The following FAM186A variants were observed in gnomAD, a reference collection of about 807,000 sequenced individuals.
FAM186A encodes the protein family with sequence similarity 186 member A, also known as protein FAM186A.
FAM186A carries 163 observed loss-of-function variants against 216.8 expected under a neutral mutation model. The observed-to-expected ratio is 0.75, with a 90% CI of 0.66 to 0.86. FAM186A has a LOEUF of 0.86. Among genes scored for constraint, FAM186A ranks in the 40% least tolerant of loss-of-function variants. The pLI, the probability that FAM186A is intolerant of heterozygous loss-of-function variation, is 0.00. For missense variants in FAM186A, 2,184 were observed against 2,746.2 expected, an observed-to-expected ratio of 0.80 and a Z score of 4.58; for synonymous variants, 805 against 1,025.3, an observed-to-expected ratio of 0.79 and a Z score of 4.10.
At chr12:50,364,066 T>C (rs2136098201) in intron 1 of FAM186A, among the ~76,000 whole-genome samples, 1 of 152,312 alleles carries the variant, frequency 6.6e-6, no homozygotes, top group Middle Eastern at 3.4e-3. Context: ...GTCATAATAA[T>C]TGTGAGGATG....
intron 1 of FAM186A, among the ~76,000 whole-genome samples, chr12:50,378,172 C>T (rs139598866): frequency 0.011 from 1,678 of 151,218 alleles, 27 homozygotes; most frequent in African/African-American, 0.037. Flanking sequence ...TGCAGTGAGC[C>T]GAGATTGCGA....
intron 1 of FAM186A, among the ~76,000 whole-genome samples, chr12:50,392,744 G>A (rs1420811689): frequency 6.7e-6 from 1 of 148,282 alleles, no homozygotes; most frequent in African/African-American, 2.5e-5. Flanking sequence ...GACTACAGTC[G>A]TGTGCCACCA....
chr12:50,376,415 A>G (rs186668550), intron 1 of FAM186A, among the ~76,000 whole-genome samples: 1 of 152,314 alleles, frequency 6.6e-6, no homozygotes, highest in African/African-American at 2.4e-5. Context: ...TCCGCAGGCA[A>G]GTCATCCCAA....
chr12:50,335,289 T>TA (rs1179185158), intron 4 of FAM186A, among the ~76,000 whole-genome samples: 2 of 152,156 alleles, frequency 1.3e-5, no homozygotes, highest in African/African-American at 4.8e-5. Context: ...CTATTTGTAA[T>TA]AAAAATTACC....
Position 50,356,186 on chromosome 12 carries a change from G to C in FAM186A, c.646C>G (p.Arg216Gly). 2 of 1,551,382 alleles carry C rather than the reference G, an allele frequency of 1.3e-6. No homozygotes were observed. The highest frequency in any genetic ancestry group is 2.4e-5 in the South Asian group (2 of 84,044). The change falls in exon 4 of 8, where the codon CGT (arginine) becomes GGT (glycine). Residue 216 changes from arginine (R) to glycine (G), a missense_variant. Coordinates refer to ENST00000327337, the MANE Select transcript of FAM186A (RefSeq NM_001145475.3). ...ATCATCTGATCTGGTCTTAAAGCAC[G>C]GGCTGTTGAAGGTCGTTTTATAACT... ...ERVIKRPSTARALRPDQMISD... is the reference protein window; with the variant it reads ...ERVIKRPSTAGALRPDQMISD...
intron 4 of FAM186A, among the ~76,000 whole-genome samples, chr12:50,339,941 G>A (rs778461842): frequency 3.9e-5 from 6 of 152,022 alleles, no homozygotes; most frequent in East Asian, 1.9e-4. Flanking sequence ...GGGTTCAAGC[G>A]ATTCTCCTGC....
intron 1 of FAM186A, among the ~76,000 whole-genome samples, chr12:50,386,394 C>T (rs1362022026): frequency 1.3e-5 from 2 of 152,056 alleles, no homozygotes; most frequent in Non-Finnish European, 2.9e-5. Context: ...TGCACTCCAG[C>T]CTGAGAGACA....
Position 50,350,706 on chromosome 12 carries a change from C to G in FAM186A, c.6126G>C (p.Lys2042Asn). The stretch of plus-strand genomic sequence containing the variant: ...TGAGAGAAGATGGTGATGTTGTTGG[C>G]TTCATGAGAGTGAGAAGGGCCCTTT... ...TDERALLTLM[K>N]PTTSPSSLTT... Residue 2042 changes from lysine to asparagine, a missense_variant, in exon 4 of 8, where the codon AAG becomes AAC. By Grantham distance (94) the Lys-to-Asn change is moderately conservative. Transcript: ENST00000327337. 1 of 1,551,580 alleles carries G rather than the reference C, an allele frequency of 6.4e-7. No individual in the cohort carries two copies. The highest frequency in any genetic ancestry group is 8.7e-7 in the Non-Finnish European group (1 of 1,146,984).
chr12:50,354,674 C>T lies in FAM186A; in HGVS notation c.2158G>A (p.Glu720Lys). 1 of 1,548,398 alleles carries T rather than the reference C, an allele frequency of 6.5e-7. No individual in the cohort carries two copies. The highest frequency in any genetic ancestry group is 8.7e-7 in the Non-Finnish European group (1 of 1,146,388). ...GTTTCAGCCACTTTTTGGAAATATT[C>T]CTCCATTTTTGCCTTTATGATTCCT... ...KLGIIKAKME[E>K]YFQKVAETVT... The change falls in exon 4 of 8, where the codon GAA becomes AAA. Residue 720 changes from glutamate to lysine, a missense_variant. Transcript: ENST00000327337.
At chr12:50,367,193 T>G (rs1350983353) in intron 1 of FAM186A, among the ~76,000 whole-genome samples, 2 of 151,962 alleles carry the variant, frequency 1.3e-5, no homozygotes, top group Admixed American at 6.6e-5. Context: ...CTATCTAACC[T>G]GGTATTGGAA....
chr12:50,349,651 TTA>T (rs1942855125), intron 4 of FAM186A, among the ~76,000 whole-genome samples: 1 of 344 alleles, frequency 2.9e-3, no homozygotes, highest in Non-Finnish European at 0.019. Flanking sequence ...TCTCTTTTTA[TTA>T]TTATTATTAT....
chr12:50,347,986 C>T (rs1246943951), intron 4 of FAM186A, among the ~76,000 whole-genome samples: 1 of 151,272 alleles, frequency 6.6e-6, no homozygotes, highest in Admixed American at 6.6e-5. Flanking sequence ...AATTCTTCTG[C>T]CTCAGCCTCC....
chr12:50,370,029 C>A (rs1362305375), intron 1 of FAM186A, among the ~76,000 whole-genome samples: 1 of 139,370 alleles, frequency 7.2e-6, no homozygotes, highest in African/African-American at 2.7e-5. Flanking sequence ...GAGGCTGAGG[C>A]AGGAGAATGG....
chr12:50,359,303 CAGGAGAA>C (rs1245200775), intron 3 of FAM186A, among the ~76,000 whole-genome samples: 2 of 152,012 alleles, frequency 1.3e-5, no homozygotes, highest in African/African-American at 4.8e-5. Context: ...GAGGCTGAGG[CAGGAGAA>C]TCACTTGAAC....
At position 50,353,768 on chromosome 12, in the gene FAM186A, G is replaced by A. The variant is rs754518495; in HGVS notation, c.3064C>T (p.Arg1022Trp). Residue 1022 changes from arginine to tryptophan, a missense_variant, in exon 4 of 8, where the codon CGG becomes TGG. By Grantham distance (101) the Arg-to-Trp change is moderately radical (BLOSUM62 -3). This residue lies in a region of FAM186A where 1,132 missense variants were observed against 1,263.4 expected (regional missense o/e 0.90). Coordinates refer to ENST00000327337, the MANE Select transcript of FAM186A (RefSeq NM_001145475.3). ...RWKSVLKDVQ[R>W]SYEGKEFQRN... ...TGAAACTCTTTTCCTTCATATGACC[G>A]CTGTACATCTTTCAATACACTCTTC... 8.4e-6 allele frequency: 13 copies of A among 1,551,328 alleles called. No homozygotes were observed. The highest frequency in any genetic ancestry group is 4.8e-5 in the South Asian group (4 of 84,040).
intron 1 of FAM186A, among the ~76,000 whole-genome samples, chr12:50,393,056 G>A (rs1429114383): frequency 4.7e-5 from 7 of 150,298 alleles, no homozygotes; most frequent in East Asian, 4.0e-4. Context: ...CCTCCCGAGT[G>A]GGTGGGACTA....
Position 50,366,213 on chromosome 12 carries a change from A to T in FAM186A, c.193-2849T>A, listed in dbSNP as rs1943086207. The T allele has an allele frequency of 5.4e-6, 3 of 560,042 alleles. No individual in the cohort carries two copies. The South Asian group carries it at 7.1e-5, about 13-fold the overall frequency. 34.7% of individuals were successfully genotyped at this position (560,042 alleles called of 1,614,324 possible). ...TGATGTTAGGTGTATTTGCTGTTAC[A>T]GCAAATAATAATTTAAGTCAGGAAC... On this transcript the variant is annotated intron_variant, in intron 1 of 7. Coordinates refer to ENST00000327337, the MANE Select transcript of FAM186A (RefSeq NM_001145475.3).
chr12:50,366,361 G>T (rs1332583521), intron 1 of FAM186A, among the ~76,000 whole-genome samples: 2 of 152,132 alleles, frequency 1.3e-5, no homozygotes, highest in African/African-American at 4.8e-5. Context: ...CCAGAAAAGT[G>T]AAGAGGAAGA....
chr12:50,344,973 C>T (rs892882545), intron 4 of FAM186A, among the ~76,000 whole-genome samples: 12 of 151,956 alleles, frequency 7.9e-5, no homozygotes, highest in Non-Finnish European at 1.6e-4. Flanking sequence ...AAAACAAGGC[C>T]GAGCGCGGTG....
Sources: gnomAD v4.1 joint callset for allele counts (sites outside exome capture counted in the v4.1 genomes callset) on GRCh38, gnomAD v4.1.1 for gene constraint, gnomAD v4.1.1 regional missense constraint, MANE v1.5 for transcripts, NCBI Gene and HGNC (gene_info 2026-07-23, HGNC 2026-07-21) for gene names.